Variants in AP3B1 observed in about 807,000 individuals in gnomAD.
AP3B1 encodes the protein AP-3 complex subunit beta-1.
In AP3B1, 61 loss-of-function variants were observed where a neutral mutation model predicts 132.5. The ratio of observed to expected loss-of-function variants is 0.46; its 90% CI spans 0.37 to 0.57. The LOEUF (loss-of-function observed/expected upper bound fraction) is 0.57, where lower values mean the gene tolerates loss of function less well. Among genes scored for constraint, AP3B1 ranks in the 20% least tolerant of loss-of-function variants. AP3B1 has a pLI of 0.00. For missense variants in AP3B1, 1,120 were observed against 1,289.4 expected, an observed-to-expected ratio of 0.87 and a Z score of 2.01; for synonymous variants, 388 against 438.3, an observed-to-expected ratio of 0.89 and a Z score of 1.43.
In AP3B1 at chr5:78,171,666, C is replaced by T. The variant is rs546902356; in HGVS notation, c.1167+3960G>A. Among the ~76,000 whole-genome samples the T allele has an allele frequency of 3.2e-3, 481 of 152,220 alleles. 1 individual carries two copies. The highest frequency in any genetic ancestry group is 0.011 in the African/African-American group (459 of 41,526). On this transcript the variant is annotated intron_variant, in intron 11 of 26. Coordinates refer to ENST00000255194, the MANE Select transcript of AP3B1 (RefSeq NM_003664.5). The stretch of plus-strand genomic sequence containing the variant: ...GAGACGATGGGGTTTTCTAAATGTA[C>T]AATCATGTCATCTGCAAACAGGGAC...
At chr5:78,226,889 C>T (rs138583685) in intron 5 of AP3B1, among the ~76,000 whole-genome samples, 1,927 of 152,042 alleles carry the variant, frequency 0.013, 27 homozygotes, top group Non-Finnish European at 0.018. Flanking sequence ...AATCACTACA[C>T]TTTTTAAAAT....
At chr5:78,003,225 C>T in intron 26 of AP3B1, 170 bp from the exon 27 acceptor site, 2 of 792,378 alleles carry the variant, frequency 2.5e-6, no homozygotes, top group Non-Finnish European at 3.9e-6. Context: ...AATCAATAAA[C>T]TGTCCAGCCC....
At chr5:78,140,240 A>G (rs1347368705) in intron 15 of AP3B1, among the ~76,000 whole-genome samples, 1 of 152,170 alleles carries the variant, frequency 6.6e-6, no homozygotes, top group Non-Finnish European at 1.5e-5. Flanking sequence ...GGTAAATTAT[A>G]CTACTATTAA....
intron 2 of AP3B1, among the ~76,000 whole-genome samples, chr5:78,257,701 C>G (rs1747907224): frequency 2.0e-5 from 3 of 152,050 alleles, no homozygotes. Flanking sequence ...ACAAAAGATC[C>G]AGAATAGCCA....
intron 19 of AP3B1, among the ~76,000 whole-genome samples, chr5:78,113,282 T>C (rs142696429): frequency 4.3e-4 from 66 of 152,330 alleles, no homozygotes; most frequent in Middle Eastern, 3.4e-3. Context: ...TAATGGGAGA[T>C]CTTAAAAAGT....
In AP3B1 at chr5:78,039,346, AT is replaced by A. The variant is rs1479805953; in HGVS notation, c.2578-73del. 4 of 1,195,680 alleles carry A rather than the reference AT, an allele frequency of 3.3e-6. No individual in the cohort carries two copies. The African/African-American group carries it at 4.6e-5, about 14-fold the overall frequency. 74.1% of individuals were successfully genotyped at this position (1,195,680 alleles called of 1,614,324 possible). ...TTATTCTTTTAGAAAATATGCAAACATTTATGACATTTAATTCTTGGTTCCC... is the reference window on the plus strand; with the variant it reads ...TTATTCTTTTAGAAAATATGCAAACATTATGACATTTAATTCTTGGTTCCC... On this transcript the variant is annotated intron_variant, in intron 22 of 26. Transcript: ENST00000255194.
intron 24 of AP3B1, among the ~76,000 whole-genome samples, chr5:78,032,778 T>C (rs1407014964): frequency 1.3e-5 from 2 of 152,166 alleles, no homozygotes; most frequent in South Asian, 2.1e-4. Context: ...AACATACTAA[T>C]GTAAATGCTT....
chr5:78,249,680 C>T (rs1204049051), intron 2 of AP3B1, among the ~76,000 whole-genome samples: 1 of 147,682 alleles, frequency 6.8e-6, no homozygotes, highest in Non-Finnish European at 1.5e-5. Context: ...ACCTCTTGGG[C>T]TCGAGTGGGC....
intron 20 of AP3B1, among the ~76,000 whole-genome samples, chr5:78,106,096 C>A (rs1042593684): frequency 1.3e-5 from 2 of 152,112 alleles, no homozygotes; most frequent in Non-Finnish European, 2.9e-5. Context: ...AAAGAAAGAA[C>A]AAAGGCATAG....
chr5:78,043,232 G>A (rs567584829), intron 22 of AP3B1: 3 of 156,708 alleles, frequency 1.9e-5, no homozygotes, highest in Admixed American at 1.3e-4. Flanking sequence ...ACCTCCTGGT[G>A]GATCCTCCCA....
chr5:78,106,462 A>G (rs191993212), intron 20 of AP3B1, among the ~76,000 whole-genome samples: 538 of 151,258 alleles, frequency 3.6e-3, no homozygotes, highest in African/African-American at 0.012. Context: ...TGTCTCAAAA[A>G]AAAGAAAGAA....
At position 78,178,884 on chromosome 5, in the gene AP3B1, G is replaced by A. The variant is rs551957812; in HGVS notation, c.943-1448C>T. ...GTATACAGCACAGAAGAATGTTTGA[G>A]GTTAAAAAAAAAAGTTTCTTCTGAA... On this transcript the variant is annotated intron_variant, in intron 8 of 26. Transcript: ENST00000255194. Among the ~76,000 whole-genome samples, 21 of 151,564 alleles carry A rather than the reference G, an allele frequency of 1.4e-4. No individual in the cohort carries two copies. In the East Asian group the frequency reaches 4.1e-3, roughly 29 times the overall value.
Position 78,014,094 on chromosome 5 carries a change from C to T in AP3B1, c.3131+1316G>A, listed in dbSNP as rs797021358. On this transcript the variant is annotated intron_variant, in intron 26 of 26. Transcript: ENST00000255194. The stretch of plus-strand genomic sequence containing the variant: ...AGGAGAATGGCGTGAACCCGGGAGG[C>T]GGAGCTTGCAGTGAGCCGAGATCGC... 2.5e-3 allele frequency among the ~76,000 whole-genome samples: 376 copies of T among 152,122 alleles called. 1 individual carries two copies. The highest frequency in any genetic ancestry group is 8.4e-3 in the African/African-American group (350 of 41,498).
chr5:78,151,578 T>C (rs1312175318), intron 14 of AP3B1, among the ~76,000 whole-genome samples: 2 of 152,194 alleles, frequency 1.3e-5, no homozygotes, highest in Non-Finnish European at 2.9e-5. Flanking sequence ...CGCTGAATTT[T>C]ATCAAATGCT....
chr5:78,165,124 C>G (rs1386979313), intron 12 of AP3B1, among the ~76,000 whole-genome samples: 1 of 151,880 alleles, frequency 6.6e-6, no homozygotes, highest in Non-Finnish European at 1.5e-5. Flanking sequence ...CATAAAAATA[C>G]AACTAAACAA....
intron 17 of AP3B1, among the ~76,000 whole-genome samples, chr5:78,121,360 A>C (rs1426885916): frequency 6.6e-6 from 1 of 152,178 alleles, no homozygotes; most frequent in East Asian, 1.9e-4. Flanking sequence ...GAACTGAAGG[A>C]AATAGAGACA....
intron 22 of AP3B1, among the ~76,000 whole-genome samples, chr5:78,046,325 C>A (rs1177594388): frequency 6.6e-6 from 1 of 152,164 alleles, no homozygotes; most frequent in African/African-American, 2.4e-5. Flanking sequence ...ACTGCGCATG[C>A]GAGGGATCTA....
intron 13 of AP3B1, among the ~76,000 whole-genome samples, chr5:78,162,600 T>C (rs1336794182): frequency 6.6e-6 from 1 of 151,936 alleles, no homozygotes; most frequent in East Asian, 1.9e-4. Flanking sequence ...GTAAAACAAA[T>C]ACTACCTGCT....
At chr5:78,245,333 G>T (rs1241571933) in intron 2 of AP3B1, among the ~76,000 whole-genome samples, 2 of 152,222 alleles carry the variant, frequency 1.3e-5, no homozygotes, top group African/African-American at 4.8e-5. Flanking sequence ...TCAGAGAGCA[G>T]CTAGTAGGAG....
Sources: allele counts gnomAD v4.1 joint callset (sites outside exome capture counted in the v4.1 genomes callset), GRCh38; gene constraint gnomAD v4.1.1; transcripts MANE v1.5; gene names NCBI Gene and HGNC (gene_info 2026-07-23, HGNC 2026-07-21).